Variants in COL4A5 observed in about 807,000 individuals in gnomAD.
COL4A5 encodes the protein collagen alpha-5(IV) chain.
In COL4A5, 26 loss-of-function variants were observed where a neutral mutation model predicts 130.2. The observed-to-expected ratio is 0.20, with a 90% CI of 0.15 to 0.28. COL4A5 has a LOEUF of 0.28. COL4A5 is among the 10% of genes least tolerant of loss of function. The pLI is 1.00. For missense variants in COL4A5, 1,131 were observed against 1,344.3 expected, an observed-to-expected ratio of 0.84 and a Z score of 2.48; for synonymous variants, 496 against 439.6, an observed-to-expected ratio of 1.13 and a Z score of -1.60.
chrX:108,597,655 G>A, intron 24 of COL4A5, 87 bp downstream of exon 24: 1 of 859,968 alleles, frequency 1.2e-6, no homozygotes, highest in Non-Finnish European at 1.7e-6. Flanking sequence ...TGGGACTGAT[G>A]CTGAGATAAA....
intron 29 of COL4A5, among the ~76,000 whole-genome samples, chrX:108,607,494 C>G (rs1475615971): frequency 1.1e-5 from 1 of 92,142 alleles, no homozygotes; most frequent in Non-Finnish European, 2.2e-5. Context: ...ACCCTCCCCC[C>G]ATACCCCAAG....
intron 8 of COL4A5, 44 bp from the exon 9 acceptor site, chrX:108,573,530 T>A (rs755866011): frequency 2.1e-6 from 2 of 935,138 alleles, no homozygotes; most frequent in East Asian, 3.1e-5. Context: ...GGTTTTCATG[T>A]ATAATAACTG....
At chrX:108,684,570 G>C (rs186719528) in intron 47 of COL4A5, among the ~76,000 whole-genome samples, 1 of 112,316 alleles carries the variant, frequency 8.9e-6, no homozygotes, top group Non-Finnish European at 1.9e-5. Context: ...TCGAATCCTT[G>C]AATAGGCCAA....
intron 25 of COL4A5, among the ~76,000 whole-genome samples, chrX:108,599,519 G>A (rs746526865): frequency 9.1e-6 from 1 of 110,339 alleles, no homozygotes; most frequent in Admixed American, 9.8e-5. Flanking sequence ...GGTTAATTGG[G>A]TTATTTACAG....
Position 108,603,030 on chromosome X carries a change from C to A in COL4A5, c.2213C>A (p.Pro738His), listed in dbSNP as rs1186422037. 1 of 1,189,342 alleles carries A rather than the reference C, an allele frequency of 8.4e-7. No individual in the cohort carries two copies. Among genetic ancestry groups the A allele is most frequent in the East Asian group, 3.0e-5 (1 of 33,316 alleles). The change falls in exon 28 of 53, where the codon CCT becomes CAT. Residue 738 changes from proline to histidine, a missense_variant. Pro to His is a moderately conservative substitution (Grantham distance 77). Transcript: ENST00000328300. ...CCTGGAAGAATTGGTCTAGAAGGCC[C>A]TCCTGGGCCACCCGGCTTTCCAGGA... ...GTPGRIGLEG[P>H]PGPPGFPGPK...
chrX:108,675,730 T>A (rs2068290302), intron 43 of COL4A5, among the ~76,000 whole-genome samples: 1 of 111,715 alleles, frequency 9.0e-6, no homozygotes. Context: ...TAGAAATACC[T>A]GAAAGATTAA....
intron 36 of COL4A5, among the ~76,000 whole-genome samples, chrX:108,648,781 A>G (rs75422720): frequency 8.9e-6 from 1 of 111,900 alleles, no homozygotes; most frequent in Non-Finnish European, 1.9e-5. Flanking sequence ...CACAGCCAAC[A>G]TAGTACTGAA....
intron 37 of COL4A5, among the ~76,000 whole-genome samples, chrX:108,661,400 G>A (rs1021533339): frequency 4.5e-5 from 5 of 111,015 alleles, no homozygotes; most frequent in African/African-American, 9.8e-5. Context: ...TCTGTTAATC[G>A]CCACAAAAAT....
At chrX:108,590,934 G>GA in intron 19 of COL4A5, 124 bp from the exon 20 acceptor site, 19 of 651,365 alleles carry the variant, frequency 2.9e-5, no homozygotes, top group Non-Finnish European at 4.1e-5. Flanking sequence ...GAGTCTCATA[G>GA]AAAAAAAATA....
chrX:108,591,044 T>G lies in COL4A5; in HGVS notation c.1166-14T>G. 1 of 1,206,188 alleles carries G rather than the reference T, an allele frequency of 8.3e-7. No homozygotes were observed. Among genetic ancestry groups the G allele is most frequent in the Non-Finnish European group, 1.1e-6 (1 of 891,946 alleles). On this transcript the variant is annotated splice_polypyrimidine_tract_variant and intron_variant, in intron 19 of 52. Coordinates refer to ENST00000328300, the MANE Select transcript of COL4A5 (RefSeq NM_033380.3). ...CTAAGATGAAATCATTTTGATCACT[T>G]TTTTGAATCTTAGGGGCTGCAGTTA...
At chrX:108,646,261 T>C (rs895122351) in intron 36 of COL4A5, among the ~76,000 whole-genome samples, 2 of 111,897 alleles carry the variant, frequency 1.8e-5, no homozygotes, top group Non-Finnish European at 3.8e-5. Context: ...GATTTTTTAA[T>C]GATCGCCATT....
At chrX:108,595,151 C>T (rs1343543485) in intron 21 of COL4A5, among the ~76,000 whole-genome samples, 1 of 112,268 alleles carries the variant, frequency 8.9e-6, no homozygotes, top group East Asian at 2.8e-4. Context: ...GCATGAGCTA[C>T]TGCAGTCTGC....
At chrX:108,668,076 C>A (rs1365863344) in intron 40 of COL4A5, among the ~76,000 whole-genome samples, 1 of 111,278 alleles carries the variant, frequency 9.0e-6, no homozygotes, top group African/African-American at 3.3e-5. Context: ...ACAAAGGATA[C>A]CTTTTAGGAT....
chrX:108,504,851 A>G (rs1328652857), intron 1 of COL4A5, among the ~76,000 whole-genome samples: 1 of 112,312 alleles, frequency 8.9e-6, no homozygotes. Context: ...AAGAACTCAA[A>G]GTAGACCTAC....
chrX:108,582,978 C>T, intron 17 of COL4A5, 41 bp downstream of exon 17: 1 of 1,024,975 alleles, frequency 9.8e-7, no homozygotes, highest in Non-Finnish European at 1.4e-6. Context: ...TTTAGTCTAG[C>T]TAAAATAATC....
intron 37 of COL4A5, among the ~76,000 whole-genome samples, chrX:108,665,245 A>G (rs2068052743): frequency 8.9e-6 from 1 of 112,169 alleles, no homozygotes; most frequent in Non-Finnish European, 1.9e-5. Context: ...GTATATTCAT[A>G]TAATGGAGTC....
At chrX:108,597,125 T>C in intron 23 of COL4A5, 57 bp downstream of exon 23, 1 of 997,183 alleles carries the variant, frequency 1.0e-6, no homozygotes, top group Non-Finnish European at 1.4e-6. Context: ...ATTTTACACA[T>C]TGATTTTCAA....
At chrX:108,499,241 C>T (rs967889311) in intron 1 of COL4A5, among the ~76,000 whole-genome samples, 1 of 111,072 alleles carries the variant, frequency 9.0e-6, no homozygotes, top group Non-Finnish European at 1.9e-5. Flanking sequence ...TAATTTTACC[C>T]CTTTAATTTG....
rs1037936281 is a variant in COL4A5 at position 108,591,429 on chromosome X, T to C, written c.1340-132T>C. The C allele has an allele frequency of 6.2e-6, 4 of 649,034 alleles. No individual in the cohort carries two copies. The East Asian group carries it at 9.7e-5, about 16-fold the overall frequency. 53.5% of individuals were successfully genotyped at this position (649,034 alleles called of 1,213,427 possible). ...CATATAGTATTTATCAGCAATGTTA[T>C]ATTTTCCTTTTGCTTATAGGTACTT... is the stretch of plus-strand genomic sequence containing the variant. On this transcript the variant is annotated intron_variant, in intron 20 of 52. Coordinates refer to ENST00000328300, the MANE Select transcript of COL4A5 (RefSeq NM_033380.3).
Sources: allele counts gnomAD v4.1 joint callset (sites outside exome capture counted in the v4.1 genomes callset), GRCh38; gene constraint gnomAD v4.1.1; transcripts MANE v1.5; gene names NCBI Gene and HGNC (gene_info 2026-07-23, HGNC 2026-07-21).